MEGF6: variants seen among roughly 807,000 people sequenced by gnomAD.
MEGF6 encodes the protein multiple EGF like domains 6, also known as multiple epidermal growth factor-like domains protein 6.
Under a neutral mutation model 207.1 loss-of-function variants are expected in MEGF6, and 184 were observed. The observed-to-expected ratio is 0.89, with a 90% CI of 0.79 to 1.00. MEGF6 has a LOEUF of 1.00. Ranked by LOEUF, MEGF6 falls within the 50% of genes least tolerant of loss-of-function variation. MEGF6 has a pLI of 0.00. For synonymous variants in MEGF6, 1,038 were observed against 910.0 expected, an observed-to-expected ratio of 1.14 and a Z score of -2.53; for missense variants, 2,282 against 2,202.9, an observed-to-expected ratio of 1.04 and a Z score of -0.72.
intron 17 of MEGF6, among the ~76,000 whole-genome samples, chr1:3,502,369 G>A (rs1640940941): frequency 6.6e-6 from 1 of 152,156 alleles, no homozygotes; most frequent in Non-Finnish European, 1.5e-5. Context: ...ACCTGTCCTG[G>A]TCAGGCCAGT....
At chr1:3,537,377 G>T (rs1013088724) in intron 4 of MEGF6, among the ~76,000 whole-genome samples, 1 of 152,242 alleles carries the variant, frequency 6.6e-6, no homozygotes, top group Non-Finnish European at 1.5e-5. Context: ...AAGCTACCGG[G>T]AGCCACGGCC....
At chr1:3,620,569 T>C in the MEGF6 span, among the ~76,000 whole-genome samples, 1 of 152,170 alleles carries the variant, frequency 6.6e-6, no homozygotes, top group Non-Finnish European at 1.5e-5. Flanking sequence ...AGAGCCCTCA[T>C]GGAGAACCTC....
At chr1:3,541,363 A>G (rs1439827771) in intron 4 of MEGF6, among the ~76,000 whole-genome samples, 1 of 152,254 alleles carries the variant, frequency 6.6e-6, no homozygotes, top group African/African-American at 2.4e-5. Flanking sequence ...TCCTGGAAGC[A>G]TTAAAGCCTC....
chr1:3,545,592 C>T (rs929559882), intron 4 of MEGF6, among the ~76,000 whole-genome samples: 1 of 152,162 alleles, frequency 6.6e-6, no homozygotes, highest in East Asian at 1.9e-4. Flanking sequence ...GGTTCTCCTC[C>T]CCTCATCCTG....
At chr1:3,490,625 G>T in intron 36 of MEGF6, 36 bp from the exon 37 acceptor site, 1 of 1,605,652 alleles carries the variant, frequency 6.2e-7, no homozygotes. Flanking sequence ...AGTCCAGGGT[G>T]GGGCGGGTGC....
In MEGF6 at chr1:3,609,215, CGTACCAGAGCCCACA is replaced by C. The variant is rs546695959; in HGVS notation, c.131+1908_131+1922del. Among the ~76,000 whole-genome samples, 13 of 152,314 alleles carry C rather than the reference CGTACCAGAGCCCACA, an allele frequency of 8.5e-5. No individual in the cohort carries two copies. In the South Asian group the frequency reaches 2.7e-3, roughly 32 times the overall value. ...GCCAACAGCGCCCTTGCCCCACCCC[CGTACCAGAGCCCACA>C]GCTTCCTCCTCCTTTCTGCTCCACA... On this transcript the variant is annotated intron_variant, in intron 1 of 36. Transcript: ENST00000356575.
Position 3,602,477 on chromosome 1 carries a change from AC to A in MEGF6, c.254del (p.Gly85ValfsTer93). 6.2e-7 allele frequency: 1 copy of A among 1,613,246 alleles called. No homozygotes were observed. Among genetic ancestry groups the A allele is most frequent in the South Asian group, 1.1e-5 (1 of 91,078 alleles). Reference protein sequence around the residue: ...AGCGWQAWCVGHERRTVYYMG... With the variant: ...AGCGWQAWCVXHERRTVYYMG... ...GCCCCTGCACTTACCTCCGCTCATG[AC>A]CCACGCACCACGCCTGCCACCCACA... On this transcript the variant is annotated frameshift_variant, in exon 2 of 37. Coordinates refer to ENST00000356575, the MANE Select transcript of MEGF6 (RefSeq NM_001409.4). LOFTEE classifies it high-confidence loss of function.
At chr1:3,496,502 C>G (rs1012711709) in intron 29 of MEGF6, among the ~76,000 whole-genome samples, 153 bp downstream of exon 29, 2 of 152,242 alleles carry the variant, frequency 1.3e-5, no homozygotes, top group African/African-American at 2.4e-5. Flanking sequence ...CCTTTCTGCC[C>G]CTCTGGCTTA....
chr1:3,499,881 G>C lies in MEGF6; in HGVS notation c.2751C>G (p.Cys917Trp), dbSNP rs775405424. 1 of 1,560,976 alleles carries C rather than the reference G, an allele frequency of 6.4e-7. No homozygotes were observed. Among genetic ancestry groups the C allele is most frequent in the Non-Finnish European group, 8.7e-7 (1 of 1,153,398 alleles). Reference protein sequence around the residue: ...GHFGPGCEQRCQCQHGAACDH... With the variant: ...GHFGPGCEQRWQCQHGAACDH... ...CACAGGCTGCTCCATGCTGACACTG[G>C]CACCGCTGCTCACAGCCGGGCCCAA... is the stretch of plus-strand genomic sequence containing the variant. The change falls in exon 22 of 37, where the codon TGC (cysteine) becomes TGG (tryptophan). Residue 917 changes from cysteine (C) to tryptophan (W), a missense_variant. Coordinates refer to ENST00000356575, the MANE Select transcript of MEGF6 (RefSeq NM_001409.4).
At position 3,560,246 on chromosome 1, in the gene MEGF6, T is replaced by C. The variant is rs1643159010; in HGVS notation, c.481+19579A>G. 6.6e-6 allele frequency among the ~76,000 whole-genome samples: 1 copy of C among 152,128 alleles called. No individual in the cohort carries two copies. Among genetic ancestry groups the C allele is most frequent in the Non-Finnish European group, 1.5e-5 (1 of 68,020 alleles). ...TTCTCCCAACACACATAATTTCCTG[T>C]ATCATTCAATCCTCCATTGGAATGA... On this transcript the variant is annotated intron_variant, in intron 4 of 36. Coordinates refer to ENST00000356575, the MANE Select transcript of MEGF6 (RefSeq NM_001409.4). This position sits in a 1 kb window ranked among gnomAD's most constrained non-coding sequence, Gnocchi z 4.0.
chr1:3,581,387 AC>A (rs1218467512), intron 3 of MEGF6, among the ~76,000 whole-genome samples: 4 of 151,912 alleles, frequency 2.6e-5, no homozygotes, highest in African/African-American at 9.7e-5. Context: ...CCAGCCAAAC[AC>A]CTGCAGCCTG....
intron 5 of MEGF6, among the ~76,000 whole-genome samples, chr1:3,515,758 G>T (rs1402137421): frequency 6.6e-6 from 1 of 152,220 alleles, no homozygotes; most frequent in African/African-American, 2.4e-5. Flanking sequence ...TCAGGCCTGT[G>T]GGGGATTCAC....
In MEGF6 at chr1:3,560,878, CG is replaced by C; in HGVS notation, c.481+18946del. On this transcript the variant is annotated intron_variant, in intron 4 of 36. Coordinates refer to ENST00000356575, the MANE Select transcript of MEGF6 (RefSeq NM_001409.4). The surrounding 1 kb of genome is among the most constrained non-coding windows in gnomAD (Gnocchi z 4.0). ...CTGGCTGGTCCCCCAGGTCTCTACG[CG>C]AAGGGGGTGCTGGGCTCTACCCCCA... The C allele has an allele frequency of 2.3e-6, 1 of 442,012 alleles. No individual in the cohort carries two copies. The highest frequency in any genetic ancestry group is 4.6e-6 in the Non-Finnish European group (1 of 217,304). 27.4% of individuals were successfully genotyped at this position (442,012 alleles called of 1,614,324 possible).
intron 4 of MEGF6, among the ~76,000 whole-genome samples, chr1:3,576,290 G>A (rs1009210688): frequency 5.3e-5 from 8 of 152,198 alleles, no homozygotes; most frequent in Admixed American, 1.3e-4. Context: ...GTCCCCGCCC[G>A]CTGCAGACCC....
chr1:3,507,389 C>G (rs1406682076), intron 14 of MEGF6, among the ~76,000 whole-genome samples: 1 of 152,286 alleles, frequency 6.6e-6, no homozygotes, highest in East Asian at 1.9e-4. Flanking sequence ...CAACATCATC[C>G]CTTGCAGCCA....
rs200326067 is a variant in MEGF6, at chr1:3,506,167, T to C, written c.1859A>G (p.His620Arg). ...KCNCANRGRC[H>R]RLYGACLCDP... is the part of the protein sequence containing the mutation. ...GCAGAGGCAGGCCCCGTAGAGGCGG[T>C]GGCACCGGCCCCGGTTGGCACAGTT... is the stretch of plus-strand genomic sequence containing the variant. Residue 620 changes from histidine to arginine, a missense_variant, in exon 15 of 37, where the codon CAC becomes CGC. By Grantham distance (29) the His-to-Arg change is conservative. Transcript: ENST00000356575. 1 of 1,593,822 alleles carries C rather than the reference T, an allele frequency of 6.3e-7. No individual in the cohort carries two copies. Among genetic ancestry groups the C allele is most frequent in the Admixed American group, 1.7e-5 (1 of 57,780 alleles).
At position 3,490,504 on chromosome 1, in the gene MEGF6, G is replaced by A. The variant is rs376822924; in HGVS notation, c.*24C>T. On this transcript the variant is annotated 3_prime_UTR_variant, in exon 37 of 37. Coordinates refer to ENST00000356575, the MANE Select transcript of MEGF6 (RefSeq NM_001409.4). The stretch of plus-strand genomic sequence containing the variant: ...GTCCCCTCTGGCTGGGACTGGAGAG[G>A]CGGGCTCCACGGGACTGCCTCTACT... The A allele has an allele frequency of 1.1e-5, 18 of 1,611,754 alleles. No homozygotes were observed. Among genetic ancestry groups the A allele is most frequent in the Non-Finnish European group, 1.4e-5 (16 of 1,179,450 alleles).
chr1:3,525,719 C>A (rs181252526), intron 4 of MEGF6, among the ~76,000 whole-genome samples: 629 of 152,336 alleles, frequency 4.1e-3, no homozygotes, highest in African/African-American at 0.014. Flanking sequence ...CTCCAGGCAT[C>A]CTTCCCCTGA....
chr1:3,499,961 G>A, intron 21 of MEGF6, 37 bp from the exon 22 acceptor site: 1 of 1,527,450 alleles, frequency 6.5e-7, no homozygotes. Flanking sequence ...TCAGCCAGAG[G>A]GCCAGGAGCC....
Sources: allele counts gnomAD v4.1 joint callset (sites outside exome capture counted in the v4.1 genomes callset), GRCh38; gene constraint gnomAD v4.1.1; non-coding constraint Gnocchi (gnomAD v3.1); transcripts MANE v1.5; gene names NCBI Gene and HGNC (gene_info 2026-07-23, HGNC 2026-07-21).